Variants in FAM107B observed in about 807,000 individuals in gnomAD.
FAM107B encodes protein FAM107B.
FAM107B carries 21 observed loss-of-function variants against 31.5 expected under a neutral mutation model. The observed-to-expected ratio is 0.67, with a 90% CI of 0.47 to 0.96. The LOEUF is 0.96. Among genes scored for constraint, FAM107B ranks in the 40% least tolerant of loss-of-function variants. The probability of loss-of-function intolerance (pLI) is 0.00; values close to 1 mark genes in which losing one functional copy is unlikely to be tolerated. For missense variants in FAM107B, 452 were observed against 377.1 expected (o/e 1.20, Z -1.64); for synonymous variants, 157 against 141.5 (o/e 1.11, Z -0.78).
intron 1 of FAM107B, among the ~76,000 whole-genome samples, chr10:14,767,978 A>T (rs1833219218): frequency 6.6e-6 from 1 of 152,172 alleles, no homozygotes; most frequent in Admixed American, 6.5e-5. Flanking sequence ...ACCCCTGCAC[A>T]AAAATCAGTT....
intron 2 of FAM107B, among the ~76,000 whole-genome samples, chr10:14,648,411 C>A (rs1356052352): frequency 6.6e-6 from 1 of 152,212 alleles, no homozygotes; most frequent in Non-Finnish European, 1.5e-5. Context: ...TGCTAGGGAA[C>A]CACTTCCTCT....
chr10:14,596,505 A>C (rs1382533003), intron 2 of FAM107B, among the ~76,000 whole-genome samples: 1 of 152,230 alleles, frequency 6.6e-6, no homozygotes, highest in Admixed American at 6.5e-5. Flanking sequence ...AGAACTTGAC[A>C]CCATGCCTGG....
chr10:14,608,256 C>T (rs966416784), intron 2 of FAM107B, among the ~76,000 whole-genome samples: 4 of 152,204 alleles, frequency 2.6e-5, no homozygotes, highest in Admixed American at 6.5e-5. Flanking sequence ...TGTACGTGGA[C>T]ATTTGAATCG....
In FAM107B at chr10:14,720,833, ATTTTT is replaced by A. The variant is rs904221325; in HGVS notation, c.412-53147_412-53143del. On this transcript the variant is annotated intron_variant, in intron 1 of 4. Coordinates refer to ENST00000181796, the MANE Select transcript of FAM107B (RefSeq NM_031453.4). ...ATATCTAATAATTTCAAAGGAACAT[ATTTTT>A]TTTTAATTTATTTTTTATTTTTATA... Among the ~76,000 whole-genome samples, 5 of 151,408 alleles carry A rather than the reference ATTTTT, an allele frequency of 3.3e-5. No individual in the cohort carries two copies. The East Asian group carries it at 9.7e-4, about 29-fold the overall frequency.
At chr10:14,750,772 T>G (rs539511747) in intron 1 of FAM107B, among the ~76,000 whole-genome samples, 1 of 152,190 alleles carries the variant, frequency 6.6e-6, no homozygotes, top group South Asian at 2.1e-4. Flanking sequence ...CACAGTGAGA[T>G]GCTGTCTCTA....
chr10:14,748,406 A>G (rs1287258247), intron 1 of FAM107B, among the ~76,000 whole-genome samples: 2 of 152,194 alleles, frequency 1.3e-5, no homozygotes, highest in African/African-American at 4.8e-5. Flanking sequence ...GAGTTTCAGG[A>G]GGAAGCAGAG....
chr10:14,553,717 T>C (rs1849463871), intron 2 of FAM107B, among the ~76,000 whole-genome samples: 3 of 152,220 alleles, frequency 2.0e-5, no homozygotes, highest in Non-Finnish European at 4.4e-5. Flanking sequence ...TCAGCCCAGC[T>C]CTGCCACATA....
chr10:14,675,612 A>G (rs552188335), intron 1 of FAM107B, among the ~76,000 whole-genome samples: 1 of 152,328 alleles, frequency 6.6e-6, no homozygotes, highest in African/African-American at 2.4e-5. Context: ...AATTTTAAAG[A>G]AATGTTTCCC....
intron 1 of FAM107B, 62 bp from the exon 2 acceptor site, chr10:14,667,753 G>A: frequency 1.9e-6 from 3 of 1,556,626 alleles, no homozygotes; most frequent in Non-Finnish European, 2.7e-6. Flanking sequence ...ATTAATGTAA[G>A]GCAATACTTT....
intron 2 of FAM107B, among the ~76,000 whole-genome samples, chr10:14,569,608 G>C (rs975732518): frequency 1.3e-5 from 2 of 152,142 alleles, no homozygotes; most frequent in Non-Finnish European, 2.9e-5. Context: ...TTCCTCTCAA[G>C]TTTTGGGAAA....
intron 2 of FAM107B, among the ~76,000 whole-genome samples, chr10:14,635,084 C>T (rs1853462172): frequency 7.4e-6 from 1 of 135,918 alleles, no homozygotes; most frequent in African/African-American, 2.7e-5. Context: ...GAGAGAGAAC[C>T]TATCTCCAAA....
intron 1 of FAM107B, among the ~76,000 whole-genome samples, chr10:14,773,438 C>G (rs1197558968): frequency 6.6e-6 from 1 of 152,198 alleles, no homozygotes; most frequent in Non-Finnish European, 1.5e-5. Context: ...TCCTAAGCTA[C>G]TTGGCTAGGA....
At chr10:14,665,684 C>T (rs1854385667) in intron 2 of FAM107B, among the ~76,000 whole-genome samples, 1 of 152,206 alleles carries the variant, frequency 6.6e-6, no homozygotes, top group Non-Finnish European at 1.5e-5. Context: ...AGCTCCACCA[C>T]TGCCCCTACT....
rs578233753 is a variant in FAM107B, at chr10:14,584,051, C to T, written c.470-53536G>A. Among the ~76,000 whole-genome samples the T allele has an allele frequency of 3.1e-4, 47 of 152,266 alleles. 1 individual carries two copies. The South Asian group carries it at 9.5e-3, about 31-fold the overall frequency. On this transcript the variant is annotated intron_variant, in intron 2 of 4. Transcript: ENST00000181796. Reference sequence around the variant, plus strand: ...TTTCAGTAGGAGTTCCTAGCTACTCCGGCAGATCCAGATGCTGAGACATAC... The same window carrying T: ...TTTCAGTAGGAGTTCCTAGCTACTCTGGCAGATCCAGATGCTGAGACATAC...
chr10:14,767,047 TATATATATAG>T (rs1463452031), intron 1 of FAM107B, among the ~76,000 whole-genome samples: 10 of 38,236 alleles, frequency 2.6e-4, no homozygotes, highest in African/African-American at 6.0e-4. Flanking sequence ...TATATATATA[TATATATATAG>T]AGAGAGAGAG....
At chr10:14,556,853 G>A (rs1170288270) in intron 2 of FAM107B, among the ~76,000 whole-genome samples, 2 of 152,198 alleles carry the variant, frequency 1.3e-5, no homozygotes, top group African/African-American at 2.4e-5. Flanking sequence ...CCCTGGCAGC[G>A]GCCCTCACTC....
In FAM107B at chr10:14,521,999, T is replaced by C; in HGVS notation, c.674A>G (p.Lys225Arg). Residue 225 changes from lysine to arginine, a missense_variant, in exon 4 of 5, where the codon AAA (lysine) becomes AGA (arginine). Lys to Arg is a conservative substitution (Grantham distance 26). Transcript: ENST00000181796. ...NQKRGLAPQN[K>R]PELQKVMEKR... ...TTCCATCACCTTCTGCAATTCTGGT[T>C]TGTTCTGAGGAGCAAGACCCCTGCG... 1 of 1,614,072 alleles carries C rather than the reference T, an allele frequency of 6.2e-7. No individual in the cohort carries two copies. The highest frequency in any genetic ancestry group is 8.5e-7 in the Non-Finnish European group (1 of 1,180,028).
chr10:14,689,467 G>A (rs1369355110), intron 1 of FAM107B, among the ~76,000 whole-genome samples: 2 of 151,848 alleles, frequency 1.3e-5, no homozygotes, highest in African/African-American at 4.8e-5. Flanking sequence ...GGAAATGCTA[G>A]AGTAGACTTT....
Position 14,519,331 on chromosome 10 carries a change from G to C in FAM107B, c.*1859C>G, listed in dbSNP as rs909959985. The stretch of plus-strand genomic sequence containing the variant: ...AGATAAAAAGATATGAGCCAGTCCC[G>C]AATCTTCATTTTACAAACAGCATCG... On this transcript the variant is annotated 3_prime_UTR_variant, in exon 5 of 5. Transcript: ENST00000181796. 2 of 151,960 alleles carry C rather than the reference G, an allele frequency of 1.3e-5. No individual in the cohort carries two copies. The highest frequency in any genetic ancestry group is 4.8e-5 in the African/African-American group (2 of 41,376). 9.4% of individuals were successfully genotyped at this position (151,960 alleles called of 1,614,324 possible).
Sources: gnomAD v4.1 joint callset for allele counts (sites outside exome capture counted in the v4.1 genomes callset) on GRCh38, gnomAD v4.1.1 for gene constraint, MANE v1.5 for transcripts, NCBI Gene and HGNC (gene_info 2026-07-23, HGNC 2026-07-21) for gene names.